RGSL1: variants seen among roughly 807,000 people sequenced by gnomAD.
RGSL1 encodes the protein regulator of G protein signaling protein-like.
In RGSL1, 97 loss-of-function variants were observed where a neutral mutation model predicts 124.7. That is an observed-to-expected ratio of 0.78 (90% CI 0.66 to 0.92). RGSL1 has a LOEUF of 0.92. Ranked by LOEUF, RGSL1 falls within the 40% of genes least tolerant of loss-of-function variation. The pLI, the probability that RGSL1 is intolerant of heterozygous loss-of-function variation, is 0.00. For missense variants in RGSL1, 1,233 were observed against 1,288.4 expected (o/e 0.96, Z 0.66); for synonymous variants, 424 against 438.1 (o/e 0.97, Z 0.40).
At chr1:182,513,479 T>C (rs747362690) in intron 9 of RGSL1, among the ~76,000 whole-genome samples, 5 of 152,164 alleles carry the variant, frequency 3.3e-5, no homozygotes, top group Non-Finnish European at 7.3e-5. Flanking sequence ...TACTAACAAT[T>C]TGCACCCCAA....
At chr1:182,502,758 G>C (rs909782787) in intron 9 of RGSL1, among the ~76,000 whole-genome samples, 3 of 151,246 alleles carry the variant, frequency 2.0e-5, no homozygotes, top group East Asian at 1.9e-4. Context: ...TCCTTTAGCT[G>C]AAAATTAATG....
chr1:182,522,046 G>T lies in RGSL1; in HGVS notation c.1868G>T (p.Arg623Leu). The T allele has an allele frequency of 6.5e-7, 1 of 1,548,398 alleles. No homozygotes were observed. Among genetic ancestry groups the T allele is most frequent in the Non-Finnish European group, 8.7e-7 (1 of 1,146,020 alleles). The change falls in exon 10 of 22, where the codon CGC (arginine) becomes CTC (leucine). Residue 623 changes from arginine to leucine, a missense_variant. Coordinates refer to ENST00000294854, the MANE Select transcript of RGSL1 (RefSeq NM_001137669.2). ...ATCAAGGAAACAAAGACAGTTTCAC[G>T]CTCAAATAGGAAAATGTCCTTGCTC... ...EIIKETKTVS[R>L]SNRKMSLLKR... is the part of the protein sequence containing the mutation.
rs1659075285 is a variant in RGSL1 at position 182,530,323 on chromosome 1, G to A, written c.2205G>A (p.Thr735=). 1.9e-6 allele frequency: 3 copies of A among 1,550,854 alleles called. No homozygotes were observed. Among genetic ancestry groups the A allele is most frequent in the Non-Finnish European group, 2.6e-6 (3 of 1,146,456 alleles). Residue 735 remains threonine (T), a synonymous_variant, in exon 12 of 22, where the codon ACG becomes ACA. Coordinates refer to ENST00000294854, the MANE Select transcript of RGSL1 (RefSeq NM_001137669.2). The part of the protein sequence containing the change: ...MRHVTTSTLL[T]LQGHVMKSIE... ...ATGTCACCACAAGCACACTGTTAACGCTCCAGGGACATGTTATGAAATCTA... is the reference window on the plus strand; with the variant it reads ...ATGTCACCACAAGCACACTGTTAACACTCCAGGGACATGTTATGAAATCTA...
intron 21 of RGSL1, among the ~76,000 whole-genome samples, chr1:182,558,181 C>A (rs1224823840): frequency 6.6e-6 from 1 of 152,184 alleles, no homozygotes; most frequent in Non-Finnish European, 1.5e-5. Context: ...CAACAAATTG[C>A]ATTCCTTGCT....
chr1:182,536,705 G>A (rs1376637166), intron 14 of RGSL1, among the ~76,000 whole-genome samples: 1 of 152,214 alleles, frequency 6.6e-6, no homozygotes, highest in African/African-American at 2.4e-5. Flanking sequence ...AGAAGGCTAG[G>A]AGGAGCAAGC....
intron 9 of RGSL1, among the ~76,000 whole-genome samples, chr1:182,501,266 C>CTCTTTCTCTCTT (rs1553264637): frequency 2.2e-5 from 3 of 134,174 alleles, no homozygotes; most frequent in African/African-American, 8.3e-5. Context: ...CTCTCTTTCT[C>CTCTTTCTCTCTT]TCTTTCTTTC....
intron 15 of RGSL1, among the ~76,000 whole-genome samples, chr1:182,544,801 A>G (rs4652727): frequency 0.52 from 79,513 of 151,870 alleles, 21,035 homozygotes; most frequent in Non-Finnish European, 0.56. Context: ...TGATATAACT[A>G]TAGCTATCCC....
Position 182,453,973 on chromosome 1 carries a change from C to G in RGSL1, c.29C>G (p.Thr10Arg), listed in dbSNP as rs771829309. The G allele has an allele frequency of 1.5e-5, 23 of 1,523,106 alleles. No homozygotes were observed. Among genetic ancestry groups the G allele is most frequent in the Non-Finnish European group, 1.9e-5 (21 of 1,121,184 alleles). The allele number at this position is 1,523,106 out of a possible 1,614,324, so 94.3% of individuals were successfully genotyped here. MSSAEIIGS[T>R]NLIILLEDEV... is the part of the protein sequence containing the mutation. The stretch of plus-strand genomic sequence containing the variant: ...CTCCATATAGAGATAATTGGTTCTA[C>G]AAATCTTATAATTCTGCTAGAGGAT... The change falls in exon 2 of 22, where the codon ACA (threonine) becomes AGA (arginine). Residue 10 changes from threonine (T) to arginine (R), a missense_variant. Transcript: ENST00000294854.
chr1:182,468,959 G>A (rs1242083464), intron 4 of RGSL1, among the ~76,000 whole-genome samples: 1 of 151,960 alleles, frequency 6.6e-6, no homozygotes, highest in Non-Finnish European at 1.5e-5. Context: ...GGGTAAACTG[G>A]ATGTCCACGT....
chr1:182,460,222 G>C, intron 4 of RGSL1, 89 bp downstream of exon 4: 1 of 1,437,300 alleles, frequency 7.0e-7, no homozygotes, highest in Non-Finnish European at 9.2e-7. Flanking sequence ...ATAATCTTAT[G>C]CCTGTATGTG....
intron 9 of RGSL1, among the ~76,000 whole-genome samples, chr1:182,509,900 G>A (rs1346354343): frequency 7.0e-6 from 1 of 142,032 alleles, no homozygotes; most frequent in Non-Finnish European, 1.5e-5. Flanking sequence ...CTGCCGGGCG[G>A]AGAGGCTCCT....
At chr1:182,485,722 G>C (rs1655048612) in intron 6 of RGSL1, among the ~76,000 whole-genome samples, 1 of 152,150 alleles carries the variant, frequency 6.6e-6, no homozygotes. Context: ...CTATTGCAAG[G>C]TTAGCAAACT....
chr1:182,530,983 C>A (rs1659133435), intron 13 of RGSL1, 73 bp downstream of exon 13: 4 of 1,471,740 alleles, frequency 2.7e-6, no homozygotes, highest in Non-Finnish European at 3.6e-6. Context: ...GTTTTTAAAT[C>A]CCCATTTTGC....
intron 13 of RGSL1, among the ~76,000 whole-genome samples, chr1:182,531,911 G>A (rs1659200214): frequency 6.6e-6 from 1 of 152,184 alleles, no homozygotes; most frequent in South Asian, 2.1e-4. Context: ...CATAGGTTAA[G>A]TAACTTGACC....
chr1:182,471,456 G>A, intron 4 of RGSL1: 1 of 434,836 alleles, frequency 2.3e-6, no homozygotes. Context: ...CTAAGCCCCA[G>A]TTAACAATTA....
chr1:182,469,997 C>T lies in RGSL1; in HGVS notation c.302-2399C>T, dbSNP rs186990254. The stretch of plus-strand genomic sequence containing the variant: ...GAAGTAGAATGGTGGTTGTCAGGAG[C>T]TGGGAGGAGGGGGGAAATAGGCAGT... On this transcript the variant is annotated intron_variant, in intron 4 of 21. Transcript: ENST00000294854. Among the ~76,000 whole-genome samples, 114 of 151,934 alleles carry T rather than the reference C, an allele frequency of 7.5e-4. 1 individual carries two copies. In the Middle Eastern group the frequency reaches 0.031, roughly 41 times the overall value.
At chr1:182,494,119 C>A (rs1045152432) in intron 9 of RGSL1, among the ~76,000 whole-genome samples, 1 of 152,162 alleles carries the variant, frequency 6.6e-6, no homozygotes, top group East Asian at 1.9e-4. Flanking sequence ...CCGGTCATCA[C>A]GACTTCTCAG....
chr1:182,496,904 T>G (rs150418517), intron 9 of RGSL1, among the ~76,000 whole-genome samples: 1,537 of 152,116 alleles, frequency 0.01, 19 homozygotes, highest in African/African-American at 0.03. Flanking sequence ...TTTACTGATA[T>G]AGTGGACCCT....
chr1:182,448,595 C>A (rs571700309), upstream of RGSL1, among the ~76,000 whole-genome samples: 1 of 152,220 alleles, frequency 6.6e-6, no homozygotes, highest in East Asian at 1.9e-4. Flanking sequence ...GACTCCTGAG[C>A]CCCACCCCTT....
Sources: allele counts gnomAD v4.1 joint callset (sites outside exome capture counted in the v4.1 genomes callset), GRCh38; gene constraint gnomAD v4.1.1; transcripts MANE v1.5; gene names NCBI Gene and HGNC (gene_info 2026-07-23, HGNC 2026-07-21).